PDGFC: variants seen among roughly 807,000 people sequenced by gnomAD.
PDGFC encodes platelet derived growth factor C.
In PDGFC, 12 loss-of-function variants were observed where a neutral mutation model predicts 35.5. That is an observed-to-expected ratio of 0.34 (90% CI 0.22 to 0.55). PDGFC has a LOEUF of 0.55. Ranked by LOEUF, PDGFC falls within the 20% of genes least tolerant of loss-of-function variation. The pLI, the probability that PDGFC is intolerant of heterozygous loss-of-function variation, is 0.91. For missense variants in PDGFC, 322 were observed against 412.4 expected (o/e 0.78, Z 1.90); for synonymous variants, 159 against 148.8 (o/e 1.07, Z -0.50).
At chr4:156,790,319 G>T (rs1008494915) in intron 3 of PDGFC, among the ~76,000 whole-genome samples, 4 of 152,184 alleles carry the variant, frequency 2.6e-5, no homozygotes, top group Non-Finnish European at 5.9e-5. Flanking sequence ...ATAAGGACCT[G>T]TGAGAGGAAG....
intron 4 of PDGFC, among the ~76,000 whole-genome samples, chr4:156,769,270 A>G (rs1159274697): frequency 1.3e-5 from 2 of 151,956 alleles, no homozygotes; most frequent in African/African-American, 2.4e-5. Flanking sequence ...CAATTTTTTA[A>G]ATTAAAAGCT....
At chr4:156,940,119 T>C (rs1438141065) in intron 1 of PDGFC, among the ~76,000 whole-genome samples, 1 of 152,130 alleles carries the variant, frequency 6.6e-6, no homozygotes, top group Non-Finnish European at 1.5e-5. Flanking sequence ...ATTTAAAGAA[T>C]CAAACTACTG....
At chr4:156,844,273 G>C (rs939711028) in intron 2 of PDGFC, among the ~76,000 whole-genome samples, 2 of 152,096 alleles carry the variant, frequency 1.3e-5, no homozygotes, top group Admixed American at 6.6e-5. Flanking sequence ...ATTGGCTTTA[G>C]ATATTTTTAA....
chr4:156,960,236 G>GATATATATATAACTGTTATATATATAT (rs1732309088), intron 1 of PDGFC, among the ~76,000 whole-genome samples: 6 of 137,696 alleles, frequency 4.4e-5, no homozygotes, highest in African/African-American at 1.6e-4. Context: ...GAAGCCATTT[G>GATATATATATAACTGTTATATATATAT]ATATATATAT....
Position 156,850,215 on chromosome 4 carries a change from A to T in PDGFC, c.314+6T>A. ...CATTGTTGGGATTTCAAGTATGATC[A>T]CTTACTTGCATATGTCATCTTCTGG... On this transcript the variant is annotated splice_donor_region_variant and intron_variant, in intron 2 of 5. Transcript: ENST00000502773. The T allele has an allele frequency of 1.4e-6, 2 of 1,464,064 alleles. No homozygotes were observed. Among genetic ancestry groups the T allele is most frequent in the Non-Finnish European group, 1.8e-6 (2 of 1,081,326 alleles). 90.7% of individuals were successfully genotyped at this position (1,464,064 alleles called of 1,614,324 possible). A position where few individuals can be genotyped will look rare whatever the true frequency, so the allele number is the denominator to read the frequency against.
At chr4:156,933,704 C>A (rs1365682707) in intron 1 of PDGFC, among the ~76,000 whole-genome samples, 1 of 152,090 alleles carries the variant, frequency 6.6e-6, no homozygotes, top group African/African-American at 2.4e-5. Context: ...AAGGGAGGGA[C>A]CTAGTGGGAG....
At chr4:156,803,568 T>G (rs1197093092) in intron 3 of PDGFC, among the ~76,000 whole-genome samples, 1 of 151,700 alleles carries the variant, frequency 6.6e-6, no homozygotes, top group Non-Finnish European at 1.5e-5. Flanking sequence ...TTAAATAGAG[T>G]CGTAGAGGTA....
intron 1 of PDGFC, among the ~76,000 whole-genome samples, chr4:156,869,897 C>T (rs1270705129): frequency 6.6e-6 from 1 of 151,896 alleles, no homozygotes; most frequent in Non-Finnish European, 1.5e-5. Context: ...TTAATACAGT[C>T]AAATTCTGAG....
chr4:156,811,744 T>C (rs1008101856), intron 2 of PDGFC, among the ~76,000 whole-genome samples: 2 of 152,106 alleles, frequency 1.3e-5, no homozygotes, highest in East Asian at 1.9e-4. Context: ...TGTCAACTTT[T>C]GGTTTGGAAG....
intron 1 of PDGFC, among the ~76,000 whole-genome samples, chr4:156,957,040 G>A (rs1284037838): frequency 6.6e-6 from 1 of 151,792 alleles, no homozygotes; most frequent in Non-Finnish European, 1.5e-5. Context: ...TTATCTCAAG[G>A]ATCACTTCCT....
At chr4:156,804,402 C>T (rs182860164) in intron 3 of PDGFC, among the ~76,000 whole-genome samples, 1 of 151,928 alleles carries the variant, frequency 6.6e-6, no homozygotes, top group Non-Finnish European at 1.5e-5. Flanking sequence ...TTTTAATATG[C>T]TCTTGAGAGA....
chr4:156,944,354 TA>T (rs945063807), intron 1 of PDGFC, among the ~76,000 whole-genome samples: 4 of 152,120 alleles, frequency 2.6e-5, no homozygotes, highest in African/African-American at 9.6e-5. Context: ...CCTCTGTAAA[TA>T]AAAAAAGGGC....
chr4:156,920,166 T>C (rs1731239752), intron 1 of PDGFC, among the ~76,000 whole-genome samples: 1 of 152,352 alleles, frequency 6.6e-6, no homozygotes, highest in African/African-American at 2.4e-5. Context: ...CTTGTACAAC[T>C]GTGAGCCAAA....
At chr4:156,925,755 A>AAG (rs994362926) in intron 1 of PDGFC, among the ~76,000 whole-genome samples, 1 of 151,206 alleles carries the variant, frequency 6.6e-6, no homozygotes, top group Non-Finnish European at 1.5e-5. Context: ...AAAAAAAAAA[A>AAG]AGAGAGAGAC....
At position 156,958,928 on chromosome 4, in the gene PDGFC, G is replaced by A. The variant is rs548070396; in HGVS notation, c.118+11858C>T. Among the ~76,000 whole-genome samples, 3 of 152,186 alleles carry A rather than the reference G, an allele frequency of 2.0e-5. No individual in the cohort carries two copies. The South Asian group carries it at 6.2e-4, about 32-fold the overall frequency. ...GCAGTTTTATTACAAGACTGGCAGAGTGACAGTAACTATAAATCCTAACTG... is the reference window on the plus strand; with the variant it reads ...GCAGTTTTATTACAAGACTGGCAGAATGACAGTAACTATAAATCCTAACTG... On this transcript the variant is annotated intron_variant, in intron 1 of 5. Transcript: ENST00000502773.
chr4:156,838,224 C>A (rs115751144), intron 2 of PDGFC, among the ~76,000 whole-genome samples: 3 of 152,186 alleles, frequency 2.0e-5, no homozygotes, highest in Admixed American at 2.0e-4. Flanking sequence ...TTTTGTACCA[C>A]CAGCACCTCT....
At chr4:156,911,533 T>G (rs1322397648) in intron 1 of PDGFC, among the ~76,000 whole-genome samples, 1 of 152,136 alleles carries the variant, frequency 6.6e-6, no homozygotes, top group Non-Finnish European at 1.5e-5. Flanking sequence ...GGGCTTATTA[T>G]ATATACTAGA....
At chr4:156,896,723 A>G (rs936910096) in intron 1 of PDGFC, among the ~76,000 whole-genome samples, 32 of 152,314 alleles carry the variant, frequency 2.1e-4, no homozygotes, top group Non-Finnish European at 2.6e-4. Context: ...TTGAACAGCA[A>G]GTTACTATGG....
At chr4:156,945,738 G>A (rs189636784) in intron 1 of PDGFC, among the ~76,000 whole-genome samples, 11 of 151,892 alleles carry the variant, frequency 7.2e-5, no homozygotes, top group Admixed American at 2.6e-4. Context: ...AAGCACCTTG[G>A]GAATTTTAAT....
Sources: gnomAD v4.1 joint callset for allele counts (sites outside exome capture counted in the v4.1 genomes callset) on GRCh38, gnomAD v4.1.1 for gene constraint, MANE v1.5 for transcripts, NCBI Gene and HGNC (gene_info 2026-07-23, HGNC 2026-07-21) for gene names.